TMOD3: variants seen among roughly 807,000 people sequenced by gnomAD.
TMOD3 encodes the protein tropomodulin-3.
Under a neutral mutation model 39.2 loss-of-function variants are expected in TMOD3, and 20 were observed. The observed-to-expected ratio is 0.51, with a 90% CI of 0.36 to 0.74. The LOEUF (loss-of-function observed/expected upper bound fraction) is 0.74, where lower values mean the gene tolerates loss of function less well. TMOD3 is among the 30% of genes least tolerant of loss of function. The probability of loss-of-function intolerance (pLI) is 0.00; values close to 1 mark genes in which losing one functional copy is unlikely to be tolerated. For synonymous variants in TMOD3, 143 were observed against 145.8 expected, an observed-to-expected ratio of 0.98 and a Z score of 0.14; for missense variants, 381 against 412.8, an observed-to-expected ratio of 0.92 and a Z score of 0.67.
intron 3 of TMOD3, among the ~76,000 whole-genome samples, chr15:51,870,517 C>G (rs1053779337): frequency 2.0e-5 from 3 of 152,284 alleles, no homozygotes; most frequent in South Asian, 2.1e-4. Context: ...AGGCCCTTCT[C>G]AATCATTTTG....
At chr15:51,871,676 A>C (rs1215977402) in intron 3 of TMOD3, among the ~76,000 whole-genome samples, 1 of 152,196 alleles carries the variant, frequency 6.6e-6, no homozygotes, top group Non-Finnish European at 1.5e-5. Context: ...AGCAGAGAAG[A>C]ATTACGGAAA....
At chr15:51,837,094 A>G (rs1161936285) in intron 1 of TMOD3, among the ~76,000 whole-genome samples, 1 of 150,746 alleles carries the variant, frequency 6.6e-6, no homozygotes, top group African/African-American at 2.4e-5. Context: ...ATAGACTTGT[A>G]GGTAAGAAGA....
intron 3 of TMOD3, among the ~76,000 whole-genome samples, chr15:51,885,476 G>A (rs1400037945): frequency 1.3e-5 from 2 of 151,996 alleles, no homozygotes; most frequent in South Asian, 2.1e-4. Context: ...CTTGAGATTC[G>A]GGAGTGGTGA....
At chr15:51,908,301 C>T (rs1223383385) in intron 9 of TMOD3, among the ~76,000 whole-genome samples, 3 of 152,170 alleles carry the variant, frequency 2.0e-5, no homozygotes, top group East Asian at 1.9e-4. Flanking sequence ...GGGCTGGACG[C>T]AGTGGCTCAC....
chr15:51,867,616 T>G (rs2056453589), intron 2 of TMOD3, among the ~76,000 whole-genome samples: 1 of 152,234 alleles, frequency 6.6e-6, no homozygotes, highest in Non-Finnish European at 1.5e-5. Context: ...CTATTGCCCA[T>G]ATAAGATTAC....
At chr15:51,891,376 T>G (rs1310694853) in intron 5 of TMOD3, among the ~76,000 whole-genome samples, 2 of 152,174 alleles carry the variant, frequency 1.3e-5, no homozygotes, top group African/African-American at 4.8e-5. Context: ...CACCTATGTT[T>G]CTGTAAACTG....
chr15:51,855,947 G>A (rs2056385573), intron 1 of TMOD3, among the ~76,000 whole-genome samples: 1 of 152,134 alleles, frequency 6.6e-6, no homozygotes, highest in African/African-American at 2.4e-5. Context: ...ATCTGATAAT[G>A]GGAACATCTG....
chr15:51,845,233 C>G (rs2056329993), intron 1 of TMOD3, among the ~76,000 whole-genome samples: 1 of 152,096 alleles, frequency 6.6e-6, no homozygotes, highest in African/African-American at 2.4e-5. Flanking sequence ...TAGTAGCTGC[C>G]TAAGGACTGA....
At chr15:51,902,979 T>A (rs1185722743) in intron 9 of TMOD3, among the ~76,000 whole-genome samples, 1 of 151,878 alleles carries the variant, frequency 6.6e-6, no homozygotes, top group Non-Finnish European at 1.5e-5. Context: ...AGAAATGGGG[T>A]TTCACCATGT....
At chr15:51,866,706 A>C (rs1218876889) in intron 2 of TMOD3, among the ~76,000 whole-genome samples, 1 of 152,176 alleles carries the variant, frequency 6.6e-6, no homozygotes, top group Non-Finnish European at 1.5e-5. Flanking sequence ...ATTTGCCTTA[A>C]TGAGAATCTT....
At chr15:51,906,150 A>C (rs2056679588) in intron 9 of TMOD3, among the ~76,000 whole-genome samples, 1 of 152,106 alleles carries the variant, frequency 6.6e-6, no homozygotes, top group South Asian at 2.1e-4. Context: ...CAGCGGCAGC[A>C]ACCTCTCATT....
intron 1 of TMOD3, among the ~76,000 whole-genome samples, chr15:51,854,160 A>G (rs1316726855): frequency 6.6e-6 from 1 of 152,210 alleles, no homozygotes; most frequent in African/African-American, 2.4e-5. Context: ...AGGGATGGGC[A>G]AACTTTTTCT....
chr15:51,852,118 T>C lies in TMOD3; in HGVS notation c.-74-10693T>C, dbSNP rs1190820306. Among the ~76,000 whole-genome samples, 3 of 152,254 alleles carry C rather than the reference T, an allele frequency of 2.0e-5. No homozygotes were observed. The East Asian group carries it at 5.8e-4, about 29-fold the overall frequency. On this transcript the variant is annotated intron_variant, in intron 1 of 9. Coordinates refer to ENST00000308580, the MANE Select transcript of TMOD3 (RefSeq NM_014547.5). ...AAATAGGGCAGGGAGCTTGTCTGTC[T>C]TGTATACTGCTTATGCCTGTTGTCT...
intron 2 of TMOD3, among the ~76,000 whole-genome samples, chr15:51,868,544 A>G (rs965516520): frequency 4.6e-5 from 7 of 152,152 alleles, no homozygotes; most frequent in African/African-American, 1.7e-4. Flanking sequence ...GTGTGTTCTC[A>G]TCATTGACTC....
Position 51,862,806 on chromosome 15 carries a change from C to T in TMOD3, c.-74-5C>T. ...TTAAAATGTATTTGTTTCTTCTCTC[C>T]ATAGCTTTAAGAAAAAGTAGAGATC... On this transcript the variant is annotated splice_region_variant and splice_polypyrimidine_tract_variant and intron_variant, in intron 1 of 9. Coordinates refer to ENST00000308580, the MANE Select transcript of TMOD3 (RefSeq NM_014547.5). 7.0e-7 allele frequency: 1 copy of T among 1,423,008 alleles called. No homozygotes were observed. The highest frequency in any genetic ancestry group is 9.4e-7 in the Non-Finnish European group (1 of 1,060,022). 88.1% of individuals were successfully genotyped at this position (1,423,008 alleles called of 1,614,324 possible). A position where few individuals can be genotyped will look rare whatever the true frequency, so the allele number is the denominator to read the frequency against.
chr15:51,865,201 A>G (rs2056439348), intron 2 of TMOD3, among the ~76,000 whole-genome samples: 1 of 152,128 alleles, frequency 6.6e-6, no homozygotes, highest in Admixed American at 6.6e-5. Context: ...TATGTTACCC[A>G]GACTGAAAAA....
intron 9 of TMOD3, among the ~76,000 whole-genome samples, chr15:51,902,551 A>G (rs941247244): frequency 1.3e-5 from 2 of 151,536 alleles, no homozygotes; most frequent in African/African-American, 4.9e-5. Context: ...GCACACTGCA[A>G]CCTCCGCCTC....
rs2056718948 is a variant in TMOD3, at chr15:51,913,024, A to T, written c.*4214A>T. ...AGTCTCACTCTGTCATCCAGGCTGG[A>T]GTGCAGTGGTGCGATCTCAGCTCAC... On this transcript the variant is annotated 3_prime_UTR_variant, in exon 10 of 10. Transcript: ENST00000308580. 6.6e-6 allele frequency: 1 copy of T among 152,232 alleles called. No individual in the cohort carries two copies. The allele number at this position is 152,232 out of a possible 1,614,324, so 9.4% of individuals were successfully genotyped here.
rs2056699524 is a variant in TMOD3 at position 51,909,550 on chromosome 15, T to C, written c.*740T>C. The C allele has an allele frequency of 6.6e-6, 1 of 152,594 alleles. No individual in the cohort carries two copies. The highest frequency in any genetic ancestry group is 6.5e-5 in the Admixed American group (1 of 15,274). 9.5% of individuals were successfully genotyped at this position (152,594 alleles called of 1,614,324 possible). A position where few individuals can be genotyped will look rare whatever the true frequency, so the allele number is the denominator to read the frequency against. On this transcript the variant is annotated 3_prime_UTR_variant, in exon 10 of 10. Transcript: ENST00000308580. ...TAATGTGGGCATTATTAAATTTTTG[T>C]GGAAGCTAATAGTAAAAAATAAAAG... is the stretch of plus-strand genomic sequence containing the variant.
Sources: gnomAD v4.1 joint callset for allele counts (sites outside exome capture counted in the v4.1 genomes callset) on GRCh38, gnomAD v4.1.1 for gene constraint, MANE v1.5 for transcripts, NCBI Gene and HGNC (gene_info 2026-07-23, HGNC 2026-07-21) for gene names.